The following SDK1 variants were observed in gnomAD, a reference collection of about 807,000 sequenced individuals.
SDK1 encodes protein sidekick-1.
A neutral mutation model predicts 245.5 loss-of-function variants in SDK1; 157 were observed. The observed-to-expected ratio is 0.64, with a 90% CI of 0.56 to 0.73. SDK1 has a LOEUF of 0.73. Among genes scored for constraint, SDK1 ranks in the 30% least tolerant of loss-of-function variants. The probability of loss-of-function intolerance (pLI) is 0.00; values close to 1 mark genes in which losing one functional copy is unlikely to be tolerated. For missense variants in SDK1, 3,583 were observed against 3,002.3 expected (o/e 1.19, Z -4.52); for synonymous variants, 1,647 against 1,278.5 (o/e 1.29, Z -6.15).
chr7:3,558,949 A>G (rs10216009), intron 1 of SDK1, among the ~76,000 whole-genome samples: 37,052 of 152,048 alleles, frequency 0.24, 4,729 homozygotes, highest in East Asian at 0.36. Flanking sequence ...ACTCTACTCA[A>G]GACTACTTAG....
intron 4 of SDK1, among the ~76,000 whole-genome samples, chr7:3,785,314 A>G (rs1353190222): frequency 6.6e-6 from 1 of 152,150 alleles, no homozygotes; most frequent in Non-Finnish European, 1.5e-5. Context: ...AGAATTGTAC[A>G]CTTCAAAGTG....
intron 5 of SDK1, among the ~76,000 whole-genome samples, chr7:3,925,772 T>C (rs556457084): frequency 6.6e-6 from 1 of 152,244 alleles, no homozygotes; most frequent in East Asian, 1.9e-4. Flanking sequence ...ACTTGGCAGG[T>C]GCGTGCTCCA....
At chr7:3,748,221 A>T (rs1167023710) in intron 4 of SDK1, among the ~76,000 whole-genome samples, 1 of 152,220 alleles carries the variant, frequency 6.6e-6, no homozygotes, top group Non-Finnish European at 1.5e-5. Context: ...GATGTATCTA[A>T]CATACACTGA....
intron 5 of SDK1, among the ~76,000 whole-genome samples, chr7:3,860,392 T>G (rs921461675): frequency 1.3e-5 from 2 of 152,154 alleles, no homozygotes; most frequent in Non-Finnish European, 2.9e-5. Context: ...TGAATACATA[T>G]TGCCAGTAAA....
chr7:4,058,480 C>T (rs1472117045), intron 19 of SDK1, among the ~76,000 whole-genome samples: 1 of 152,102 alleles, frequency 6.6e-6, no homozygotes, highest in Admixed American at 6.5e-5. Context: ...ATTTAGACAT[C>T]CAGATATGGG....
chr7:3,879,858 C>G (rs1246831707), intron 5 of SDK1, among the ~76,000 whole-genome samples: 2 of 152,144 alleles, frequency 1.3e-5, no homozygotes, highest in South Asian at 2.1e-4. Flanking sequence ...GCGCGGCTGT[C>G]ACAGCAAGCT....
intron 14 of SDK1, among the ~76,000 whole-genome samples, chr7:3,996,953 T>G (rs187475790): frequency 6.6e-6 from 1 of 152,232 alleles, no homozygotes; most frequent in African/African-American, 2.4e-5. Flanking sequence ...TATTGAGATA[T>G]AATTTGTATG....
intron 1 of SDK1, among the ~76,000 whole-genome samples, chr7:3,364,740 A>T (rs562804439): frequency 2.0e-5 from 3 of 152,182 alleles, no homozygotes; most frequent in African/African-American, 7.2e-5. Context: ...CTTTTTCAAA[A>T]TTGTTTCTGG....
At chr7:3,329,772 G>C (rs1319763940) in intron 1 of SDK1, among the ~76,000 whole-genome samples, 1 of 152,152 alleles carries the variant, frequency 6.6e-6, no homozygotes, top group Non-Finnish European at 1.5e-5. Context: ...TTAAAAAACT[G>C]CATCTGTACT....
chr7:4,230,551 G>C (rs118064676), intron 40 of SDK1, among the ~76,000 whole-genome samples: 436 of 151,992 alleles, frequency 2.9e-3, no homozygotes, highest in Non-Finnish European at 3.1e-3. Context: ...AAAATGGATG[G>C]ATGGATAGAA....
intron 5 of SDK1, among the ~76,000 whole-genome samples, chr7:3,874,619 T>C (rs1781030832): frequency 6.6e-6 from 1 of 152,124 alleles, no homozygotes; most frequent in African/African-American, 2.4e-5. Context: ...CCCTGCCCTA[T>C]CTGCAGTGCG....
At chr7:3,403,861 ATATATAT>A (rs1778973861) in intron 1 of SDK1, among the ~76,000 whole-genome samples, 7 of 109,226 alleles carry the variant, frequency 6.4e-5, no homozygotes, top group African/African-American at 1.2e-4. Flanking sequence ...ATATATATAT[ATATATAT>A]AATATATATA....
At chr7:3,666,952 G>A (rs1438304637) in intron 4 of SDK1, among the ~76,000 whole-genome samples, 7 of 152,096 alleles carry the variant, frequency 4.6e-5, no homozygotes, top group East Asian at 1.9e-4. Flanking sequence ...GAATTGAAGT[G>A]AGTTTTTTAT....
rs1278362298 is a variant in SDK1 at position 3,466,979 on chromosome 7, TACACA to T, written c.299-152100_299-152096del. Among the ~76,000 whole-genome samples, 691 of 127,592 alleles carry T rather than the reference TACACA, an allele frequency of 5.4e-3. 8 individuals carry two copies. Among genetic ancestry groups the T allele is most frequent in the African/African-American group, 0.017 (552 of 32,702 alleles). 83.7% of individuals were successfully genotyped at this position (127,592 alleles called of 152,430 possible). A position where few individuals can be genotyped will look rare whatever the true frequency, so the allele number is the denominator to read the frequency against. ...TCGAAATCTCTCTCCTCTCTCTCTC[TACACA>T]CACACACACACACACACACACACAC... On this transcript the variant is annotated intron_variant, in intron 1 of 44. Transcript: ENST00000404826.
intron 1 of SDK1, among the ~76,000 whole-genome samples, chr7:3,604,334 C>T (rs569851575): frequency 6.6e-6 from 1 of 152,046 alleles, no homozygotes; most frequent in Non-Finnish European, 1.5e-5. Flanking sequence ...TTCTCTGTCC[C>T]TTTTTACTGA....
chr7:3,582,472 C>T (rs1034187068), intron 1 of SDK1, among the ~76,000 whole-genome samples: 3 of 150,732 alleles, frequency 2.0e-5, no homozygotes, highest in Middle Eastern at 3.2e-3. Flanking sequence ...AGGTCTGTCT[C>T]AGGTAGGTCT....
At chr7:3,369,111 A>G (rs1359908572) in intron 1 of SDK1, among the ~76,000 whole-genome samples, 1 of 151,402 alleles carries the variant, frequency 6.6e-6, no homozygotes, top group Non-Finnish European at 1.5e-5. Flanking sequence ...ATGGTGTGAT[A>G]TTGGCTCACT....
chr7:3,460,007 AT>A (rs1325052183), intron 1 of SDK1, among the ~76,000 whole-genome samples: 1 of 152,236 alleles, frequency 6.6e-6, no homozygotes, highest in Non-Finnish European at 1.5e-5. Flanking sequence ...TTTGCCAAAC[AT>A]TTTAAAATTA....
intron 5 of SDK1, among the ~76,000 whole-genome samples, chr7:3,870,290 G>A (rs954775253): frequency 2.0e-5 from 3 of 151,702 alleles, no homozygotes; most frequent in South Asian, 2.1e-4. Flanking sequence ...GCTACTTTTC[G>A]TTATTTTTAC....
Sources: allele counts gnomAD v4.1 joint callset (sites outside exome capture counted in the v4.1 genomes callset), GRCh38; gene constraint gnomAD v4.1.1; transcripts MANE v1.5; gene names NCBI Gene and HGNC (gene_info 2026-07-23, HGNC 2026-07-21).